The following DENND11 variants were observed in gnomAD, a reference collection of about 807,000 sequenced individuals.
DENND11 encodes the protein DENN domain-containing protein 11.
Under a neutral mutation model 49.2 loss-of-function variants are expected in DENND11, and 34 were observed. The ratio of observed to expected loss-of-function variants is 0.69; its 90% CI spans 0.53 to 0.92. DENND11 has a LOEUF of 0.92. Ranked by LOEUF, DENND11 falls within the 40% of genes least tolerant of loss-of-function variation. The pLI, the probability that DENND11 is intolerant of heterozygous loss-of-function variation, is 0.00. For synonymous variants in DENND11, 238 were observed against 230.3 expected, an observed-to-expected ratio of 1.03 and a Z score of -0.30; for missense variants, 475 against 581.6, an observed-to-expected ratio of 0.82 and a Z score of 1.88.
Position 141,662,140 on chromosome 7 carries a change from A to G in DENND11, c.*516T>C, listed in dbSNP as rs931595131. ...GTGGTCCCTACTCAAGTAAACAGAG[A>G]AGACATAAAGTTGCCCTAATGAACA... is the stretch of plus-strand genomic sequence containing the variant. On this transcript the variant is annotated 3_prime_UTR_variant, in exon 9 of 9. Transcript: ENST00000536163. 1.3e-5 allele frequency: 2 copies of G among 152,874 alleles called. No individual in the cohort carries two copies. The highest frequency in any genetic ancestry group is 2.9e-5 in the Non-Finnish European group (2 of 68,524). 9.5% of individuals were successfully genotyped at this position (152,874 alleles called of 1,614,324 possible).
intron 1 of DENND11, among the ~76,000 whole-genome samples, chr7:141,699,778 T>C (rs1290738961): frequency 6.6e-6 from 1 of 152,208 alleles, no homozygotes. Flanking sequence ...CATTTACAAA[T>C]TGGGTATAAA....
chr7:141,681,897 T>A (rs528695535), intron 3 of DENND11, among the ~76,000 whole-genome samples: 1 of 152,226 alleles, frequency 6.6e-6, no homozygotes, highest in Admixed American at 6.5e-5. Flanking sequence ...CCAAGTGCCA[T>A]GGAGGACAAT....
At position 141,669,927 on chromosome 7, in the gene DENND11, C is replaced by T. The variant is rs536458119; in HGVS notation, c.682-3502G>A. Among the ~76,000 whole-genome samples the T allele has an allele frequency of 2.7e-3, 399 of 150,218 alleles. 9 individuals carry two copies. Among genetic ancestry groups the T allele is most frequent in the African/African-American group, 9.5e-3 (384 of 40,570 alleles). On this transcript the variant is annotated intron_variant, in intron 4 of 8. Transcript: ENST00000536163. ...TGGGGTTCACGCCATTCTCCTGCCT[C>T]AGCCTCCCGAGTAGCTGGGACTACA...
chr7:141,670,474 A>G (rs1436551203), intron 4 of DENND11, among the ~76,000 whole-genome samples: 1 of 152,248 alleles, frequency 6.6e-6, no homozygotes, highest in East Asian at 1.9e-4. Context: ...AACATAGTAT[A>G]ACAACTATGT....
chr7:141,700,315 C>G (rs577112503), intron 1 of DENND11, among the ~76,000 whole-genome samples: 3 of 152,010 alleles, frequency 2.0e-5, no homozygotes, highest in African/African-American at 7.2e-5. Flanking sequence ...TGGTTTTTGT[C>G]TAGCATTACG....
chr7:141,672,095 T>C (rs1797991333), intron 4 of DENND11, among the ~76,000 whole-genome samples: 1 of 152,214 alleles, frequency 6.6e-6, no homozygotes. Flanking sequence ...CCACACCTCC[T>C]GAGAGGTCCC....
In DENND11 at chr7:141,659,524, CTT is replaced by C. The variant is rs1797754735; in HGVS notation, c.*3130_*3131del. 6.6e-6 allele frequency: 1 copy of C among 152,224 alleles called. No individual in the cohort carries two copies. 9.4% of individuals were successfully genotyped at this position (152,224 alleles called of 1,614,324 possible). ...ATTGAAAATGCCCTCTTGAACAGGC[CTT>C]TGTCATATTTTGCATGGATACCAAC... On this transcript the variant is annotated 3_prime_UTR_variant, in exon 9 of 9. Transcript: ENST00000536163.
chr7:141,700,476 T>TA (rs1563007383), intron 1 of DENND11, among the ~76,000 whole-genome samples: 2 of 140,148 alleles, frequency 1.4e-5, no homozygotes, highest in African/African-American at 5.3e-5. Flanking sequence ...AGACACTGTC[T>TA]GAAAAAAAAA....
At chr7:141,701,190 T>G (rs1411386646) in intron 1 of DENND11, among the ~76,000 whole-genome samples, 1 of 151,916 alleles carries the variant, frequency 6.6e-6, no homozygotes, top group Non-Finnish European at 1.5e-5. Flanking sequence ...TCTCCAAGCA[T>G]CTCCGAAAGA....
intron 4 of DENND11, 42 bp downstream of exon 4, chr7:141,674,025 T>A (rs550884066): frequency 1.3e-6 from 2 of 1,582,284 alleles, no homozygotes; most frequent in African/African-American, 1.3e-5. Flanking sequence ...TATTCCCAGA[T>A]ACAGATCCAG....
At chr7:141,664,295 G>A in intron 7 of DENND11, 55 bp from the exon 8 acceptor site, 1 of 1,410,856 alleles carries the variant, frequency 7.1e-7, no homozygotes, top group African/African-American at 1.4e-5. Flanking sequence ...CGCAGTCACA[G>A]GTGAGGCCTC....
At chr7:141,687,828 G>T (rs1427732878) in intron 1 of DENND11, among the ~76,000 whole-genome samples, 13 of 151,926 alleles carry the variant, frequency 8.6e-5, no homozygotes, top group Non-Finnish European at 1.5e-5. Context: ...TGGAGACGGG[G>T]TTTCACCATG....
Position 141,664,951 on chromosome 7 carries a change from C to A in DENND11, c.1056G>T (p.Lys352Asn), listed in dbSNP as rs1308285885. ...THHDHLQPLL[K>N]INSADREKYR... ...ACTTCTCCCTGTCAGCACTGTTGAT[C>A]TTCAGCAGCGGCTGCAGGTGGTCGT... The change falls in exon 7 of 9, where the codon AAG becomes AAT. Residue 352 changes from lysine to asparagine, a missense_variant. Physicochemically the swap from Lys to Asn is moderately conservative, Grantham distance 94. Coordinates refer to ENST00000536163, the MANE Select transcript of DENND11 (RefSeq NM_001080392.2). 6.2e-7 allele frequency: 1 copy of A among 1,613,596 alleles called. No homozygotes were observed. Among genetic ancestry groups the A allele is most frequent in the African/African-American group, 1.3e-5 (1 of 75,068 alleles).
chr7:141,677,433 ATGTG>A (rs146524088), intron 3 of DENND11, among the ~76,000 whole-genome samples: 220 of 141,028 alleles, frequency 1.6e-3, no homozygotes, highest in East Asian at 4.5e-3. Flanking sequence ...ACACATATAT[ATGTG>A]TGTGTGTGTG....
rs1408611195 is a variant in DENND11 at position 141,661,137 on chromosome 7, C to T, written c.*1519G>A. 1 of 152,210 alleles carries T rather than the reference C, an allele frequency of 6.6e-6. No homozygotes were observed. Among genetic ancestry groups the T allele is most frequent in the Non-Finnish European group, 1.5e-5 (1 of 68,038 alleles). 9.4% of individuals were successfully genotyped at this position (152,210 alleles called of 1,614,324 possible). A position where few individuals can be genotyped will look rare whatever the true frequency, so the allele number is the denominator to read the frequency against. ...GAACCACCATTTGAATGTTATTTCT[C>T]CCTGCTGTGTACATTAGTCTGGCTG... is the stretch of plus-strand genomic sequence containing the variant. On this transcript the variant is annotated 3_prime_UTR_variant, in exon 9 of 9. Transcript: ENST00000536163.
intron 4 of DENND11, among the ~76,000 whole-genome samples, chr7:141,672,179 G>C (rs190462080): frequency 4.6e-5 from 7 of 152,202 alleles, no homozygotes; most frequent in Admixed American, 4.6e-4. Flanking sequence ...AGGCTCCCAT[G>C]GTTTTGCTCA....
chr7:141,690,116 T>A (rs1203643394), intron 1 of DENND11, among the ~76,000 whole-genome samples: 2 of 152,226 alleles, frequency 1.3e-5, no homozygotes, highest in Non-Finnish European at 2.9e-5. Context: ...TATGTTTGCA[T>A]CTGTAAGGTC....
rs1180825478 is a variant in DENND11 at position 141,659,008 on chromosome 7, G to A, written c.*3648C>T. The A allele has an allele frequency of 6.6e-6, 1 of 152,510 alleles. No homozygotes were observed. Among genetic ancestry groups the A allele is most frequent in the East Asian group, 1.9e-4 (1 of 5,194 alleles). 9.4% of individuals were successfully genotyped at this position (152,510 alleles called of 1,614,324 possible). A position where few individuals can be genotyped will look rare whatever the true frequency, so the allele number is the denominator to read the frequency against. On this transcript the variant is annotated 3_prime_UTR_variant, in exon 9 of 9. Transcript: ENST00000536163. Reference sequence around the variant, plus strand: ...TCTTCTAGCTAAAGTGTCATCGGTAGTCACATGATCAACAAATGTTCACAT... The same window carrying A: ...TCTTCTAGCTAAAGTGTCATCGGTAATCACATGATCAACAAATGTTCACAT...
chr7:141,692,329 A>AT (rs1265335044), intron 1 of DENND11, among the ~76,000 whole-genome samples: 3 of 152,234 alleles, frequency 2.0e-5, no homozygotes, highest in Admixed American at 2.0e-4. Context: ...AATAGCCAAC[A>AT]TAATACTGAA....
Sources: allele counts gnomAD v4.1 joint callset (sites outside exome capture counted in the v4.1 genomes callset), GRCh38; gene constraint gnomAD v4.1.1; transcripts MANE v1.5; gene names NCBI Gene and HGNC (gene_info 2026-07-23, HGNC 2026-07-21).